Variants in SLCO3A1 observed in about 807,000 individuals in gnomAD.
The protein encoded by SLCO3A1 is PGE1 transporter.
In SLCO3A1, 27 loss-of-function variants were observed where a neutral mutation model predicts 63.1. That is an observed-to-expected ratio of 0.43 (90% CI 0.32 to 0.59). The LOEUF (loss-of-function observed/expected upper bound fraction) is 0.59. Among genes scored for constraint, SLCO3A1 ranks in the 20% least tolerant of loss-of-function variants. SLCO3A1 has a pLI of 0.09. For synonymous variants in SLCO3A1, 473 were observed against 409.9 expected (o/e 1.15, Z -1.86); for missense variants, 773 against 945.8 (o/e 0.82, Z 2.40).
In SLCO3A1 at chr15:91,882,011, T is replaced by C. The variant is rs544078942; in HGVS notation, c.180+27923T>C. On this transcript the variant is annotated intron_variant, in intron 1 of 9. Transcript: ENST00000318445. The surrounding 1 kb of genome is among the most constrained non-coding windows in gnomAD (Gnocchi z 4.4). ...TCAGTGCCTTCAAGTACAAATGCTT[T>C]TCATTGGAGAGTTTGGTTCTAAAGC... is the stretch of plus-strand genomic sequence containing the variant. Among the ~76,000 whole-genome samples the C allele has an allele frequency of 7.9e-5, 12 of 152,304 alleles. No individual in the cohort carries two copies. The South Asian group carries it at 2.5e-3, about 32-fold the overall frequency.
chr15:91,964,078 A>G (rs1900565110), intron 2 of SLCO3A1, among the ~76,000 whole-genome samples: 2 of 152,156 alleles, frequency 1.3e-5, no homozygotes, highest in Non-Finnish European at 2.9e-5. Context: ...AAGTTCTCCA[A>G]GTCCCCACCT....
At chr15:92,170,321 T>C (rs1367902723), downstream of SLCO3A1, among the ~76,000 whole-genome samples, 1 of 152,086 alleles carries the variant, frequency 6.6e-6, no homozygotes, top group Admixed American at 6.5e-5. Context: ...GCCAGGAAGC[T>C]CATGTTTTTA....
rs1258784077 is a variant in SLCO3A1 at position 91,885,811 on chromosome 15, G to T, written c.181-30182G>T. ...CCTTTCTCTAAAGGCCTCTCTGGGC[G>T]GGTGATATTTGAGTAGATTTGAAAG... On this transcript the variant is annotated intron_variant, in intron 1 of 9. Coordinates refer to ENST00000318445, the MANE Select transcript of SLCO3A1 (RefSeq NM_013272.4). This position sits in a 1 kb window ranked among gnomAD's most constrained non-coding sequence, Gnocchi z 4.7. 3.9e-5 allele frequency among the ~76,000 whole-genome samples: 6 copies of T among 152,170 alleles called. No homozygotes were observed. Among genetic ancestry groups the T allele is most frequent in the African/African-American group, 1.4e-4 (6 of 41,450 alleles).
At position 92,164,733 on chromosome 15, in the gene SLCO3A1, G is replaced by A; in HGVS notation, c.*1598G>A. ...AAGGCCCTTGTCTGTGTGTTTTGAAGGTGGGTGAACCTCAGAGAATGAACC... is the reference window on the plus strand; with the variant it reads ...AAGGCCCTTGTCTGTGTGTTTTGAAAGTGGGTGAACCTCAGAGAATGAACC... On this transcript the variant is annotated 3_prime_UTR_variant, in exon 10 of 10. Coordinates refer to ENST00000318445, the MANE Select transcript of SLCO3A1 (RefSeq NM_013272.4). The A allele has an allele frequency of 1.1e-5, 11 of 985,354 alleles. No homozygotes were observed. The highest frequency in any genetic ancestry group is 1.3e-5 in the Non-Finnish European group (11 of 829,918). 61.0% of individuals were successfully genotyped at this position (985,354 alleles called of 1,614,324 possible). A position where few individuals can be genotyped will look rare whatever the true frequency, so the allele number is the denominator to read the frequency against.
At position 91,966,534 on chromosome 15, in the gene SLCO3A1, C is replaced by T. The variant is rs573524261; in HGVS notation, c.646+50076C>T. 1.5e-3 allele frequency among the ~76,000 whole-genome samples: 230 copies of T among 152,314 alleles called. 4 individuals carry two copies. Among genetic ancestry groups the T allele is most frequent in the Admixed American group, 4.6e-3 (70 of 15,296 alleles). ...CCTGTTAGAACTGGGCACAAAACTG[C>T]GCTTCTGAACATTTCAGGATATGAT... On this transcript the variant is annotated intron_variant, in intron 2 of 9. Coordinates refer to ENST00000318445, the MANE Select transcript of SLCO3A1 (RefSeq NM_013272.4).
intron 2 of SLCO3A1, among the ~76,000 whole-genome samples, chr15:91,970,104 A>C (rs567567992): frequency 6.6e-6 from 1 of 152,092 alleles, no homozygotes; most frequent in African/African-American, 2.4e-5. Context: ...AAAACAAAAA[A>C]AACTTACAGC....
At chr15:92,044,066 CTG>C (rs1307233563) in intron 2 of SLCO3A1, among the ~76,000 whole-genome samples, 1 of 152,214 alleles carries the variant, frequency 6.6e-6, no homozygotes, top group Non-Finnish European at 1.5e-5. Context: ...CTTGCCGTAA[CTG>C]TATCTGGCAG....
At chr15:91,911,612 C>G (rs1167283702) in intron 1 of SLCO3A1, among the ~76,000 whole-genome samples, 3 of 152,094 alleles carry the variant, frequency 2.0e-5, no homozygotes, top group African/African-American at 7.2e-5. Flanking sequence ...ATATACGTAT[C>G]TATATCTATA....
chr15:91,952,983 G>C (rs1256796222), intron 2 of SLCO3A1, among the ~76,000 whole-genome samples: 2 of 152,128 alleles, frequency 1.3e-5, no homozygotes, highest in Non-Finnish European at 2.9e-5. Context: ...GGACAAGGTG[G>C]CACAAAGTTG....
rs1267097425 is a variant in SLCO3A1, at chr15:91,957,058, AC to A, written c.646+40601del. 3.6e-4 allele frequency among the ~76,000 whole-genome samples: 4 copies of A among 11,248 alleles called. 1 individual carries two copies. The highest frequency in any genetic ancestry group is 6.3e-3 in the East Asian group (2 of 316). The allele number at this position is 11,248 out of a possible 152,430, so 7.4% of individuals were successfully genotyped here. On this transcript the variant is annotated intron_variant, in intron 2 of 9. Transcript: ENST00000318445. Reference sequence around the variant, plus strand: ...AATATATAGTATATATATAATATATACTATATATTATATATATACTATATAG... The same window carrying A: ...AATATATAGTATATATATAATATATATATATATTATATATATACTATATAG...
At chr15:91,945,519 G>A (rs1358188672) in intron 2 of SLCO3A1, among the ~76,000 whole-genome samples, 2 of 152,170 alleles carry the variant, frequency 1.3e-5, no homozygotes, top group Non-Finnish European at 2.9e-5. Flanking sequence ...GTGCTGTGAA[G>A]GGGAAACACC....
chr15:92,150,537 TTTCA>T (rs1246955077), intron 8 of SLCO3A1, among the ~76,000 whole-genome samples: 1 of 152,174 alleles, frequency 6.6e-6, no homozygotes, highest in Non-Finnish European at 1.5e-5. Context: ...GTGCTCATGG[TTTCA>T]GCTTGTTTGT....
chr15:92,086,279 A>G (rs111450253), intron 2 of SLCO3A1, among the ~76,000 whole-genome samples: 1 of 152,208 alleles, frequency 6.6e-6, no homozygotes, highest in Non-Finnish European at 1.5e-5. Flanking sequence ...ATCCTTGCCA[A>G]CACTTGGTAG....
At chr15:92,058,865 G>A (rs1032435807) in intron 2 of SLCO3A1, among the ~76,000 whole-genome samples, 2 of 152,264 alleles carry the variant, frequency 1.3e-5, no homozygotes, top group East Asian at 1.9e-4. Context: ...TTAGAGACAC[G>A]TCCCTTCAAT....
In SLCO3A1 at chr15:91,886,999, G is replaced by T. The variant is rs527907312; in HGVS notation, c.181-28994G>T. Among the ~76,000 whole-genome samples the T allele has an allele frequency of 1.6e-4, 25 of 152,322 alleles. No individual in the cohort carries two copies. Among genetic ancestry groups the T allele is most frequent in the Non-Finnish European group, 3.4e-4 (23 of 68,024 alleles). On this transcript the variant is annotated intron_variant, in intron 1 of 9. Coordinates refer to ENST00000318445, the MANE Select transcript of SLCO3A1 (RefSeq NM_013272.4). This position sits in a 1 kb window ranked among gnomAD's most constrained non-coding sequence, Gnocchi z 4.9. ...CCCCTCTTTGTTTCTGCCTGTGTCT[G>T]TATATTGGCCAAGCCCATTTCCAGT...
intron 2 of SLCO3A1, among the ~76,000 whole-genome samples, chr15:92,026,790 T>C (rs1368654576): frequency 6.6e-6 from 1 of 152,136 alleles, no homozygotes; most frequent in Non-Finnish European, 1.5e-5. Flanking sequence ...TCCCACCAAA[T>C]GTCTAGCATA....
chr15:92,077,418 C>T (rs924230025), intron 2 of SLCO3A1, among the ~76,000 whole-genome samples: 1 of 152,334 alleles, frequency 6.6e-6, no homozygotes, highest in Admixed American at 6.5e-5. Flanking sequence ...ATTTGCCCCG[C>T]CGTGTCCTCC....
At position 92,164,308 on chromosome 15, in the gene SLCO3A1, CAAG is replaced by C. The variant is rs2048474856; in HGVS notation, c.*1179_*1181del. 2.0e-6 allele frequency: 2 copies of C among 984,210 alleles called. No homozygotes were observed. Among genetic ancestry groups the C allele is most frequent in the Admixed American group, 6.2e-5 (1 of 16,226 alleles). The allele number at this position is 984,210 out of a possible 1,614,324, so 61.0% of individuals were successfully genotyped here. On this transcript the variant is annotated 3_prime_UTR_variant, in exon 10 of 10. Transcript: ENST00000318445. ...AAAAACAAGAATATACAATGTGTTA[CAAG>C]AAGAAAAAAAAATGCTTCAAAAAGA...
intron 9 of SLCO3A1, among the ~76,000 whole-genome samples, chr15:92,161,320 T>G (rs975967575): frequency 2.6e-5 from 4 of 152,218 alleles, no homozygotes; most frequent in East Asian, 3.8e-4. Context: ...AGGACTGTGC[T>G]GCACACCAAA....
Sources: allele counts gnomAD v4.1 joint callset (sites outside exome capture counted in the v4.1 genomes callset), GRCh38; gene constraint gnomAD v4.1.1; non-coding constraint Gnocchi (gnomAD v3.1); transcripts MANE v1.5; gene names NCBI Gene and HGNC (gene_info 2026-07-23, HGNC 2026-07-21).